NLGN4Y: variants seen among roughly 807,000 people sequenced by gnomAD.
NLGN4Y encodes neuroligin 4 Y-linked.
Under a neutral mutation model 8.4 loss-of-function variants are expected in NLGN4Y, and 4 were observed. The observed-to-expected ratio is 0.48, with a 90% CI of 0.23 to 1.09. The LOEUF is 1.09. Among genes scored for constraint, NLGN4Y ranks in the 50% least tolerant of loss-of-function variants. The pLI is 0.19. For synonymous variants in NLGN4Y, 35 were observed against 75.6 expected, an observed-to-expected ratio of 0.46 and a Z score of 2.78; for missense variants, 90 against 192.3, an observed-to-expected ratio of 0.47 and a Z score of 3.15.
chrY:14,730,364 C>T, intron 4 of NLGN4Y, among the ~76,000 whole-genome samples: 1 of 32,990 alleles, frequency 3.0e-5, no homozygotes, highest in African/African-American at 1.2e-4. Flanking sequence ...GCCAAGATCA[C>T]GCTACTACAC....
chrY:14,697,883 G>A, intron 2 of NLGN4Y, among the ~76,000 whole-genome samples: 1 of 32,891 alleles, frequency 3.0e-5, no homozygotes, highest in East Asian at 8.1e-4. Flanking sequence ...ATTGTTGTAT[G>A]AGGCTCCCTG....
At chrY:14,610,937 T>C (rs867653537) in intron 1 of NLGN4Y, among the ~76,000 whole-genome samples, 4 of 33,040 alleles carry the variant, frequency 1.2e-4, no homozygotes, top group Admixed American at 2.8e-4. Flanking sequence ...GATAGTTAGC[T>C]CTTCTTGTTG....
In NLGN4Y at chrY:14,829,471, C is replaced by T; in HGVS notation, c.872-259C>T. 1.5e-4 allele frequency among the ~76,000 whole-genome samples: 5 copies of T among 32,381 alleles called. No homozygotes were observed. The South Asian group carries it at 3.4e-3, about 22-fold the overall frequency. The allele number at this position is 32,381 out of a possible 37,273, so 86.9% of individuals were successfully genotyped here. A position where few individuals can be genotyped will look rare whatever the true frequency, so the allele number is the denominator to read the frequency against. ...AGAAATCACATGTATTTTACCAGTG[C>T]ACGAAAAGCCTCAATGTGGTTTCAT... On this transcript the variant is annotated intron_variant, in intron 5 of 6. Transcript: ENST00000684976.
chrY:14,593,613 G>A, intron 1 of NLGN4Y, among the ~76,000 whole-genome samples: 1 of 33,397 alleles, frequency 3.0e-5, no homozygotes, highest in African/African-American at 1.2e-4. Context: ...TCATCTCCTG[G>A]AGGGGGTTGT....
At chrY:14,614,720 G>T (rs2080481859) in intron 1 of NLGN4Y, among the ~76,000 whole-genome samples, 1 of 33,108 alleles carries the variant, frequency 3.0e-5, no homozygotes, top group Non-Finnish European at 7.5e-5. Context: ...GTTTTTGTCA[G>T]GTTTGTCAAA....
At chrY:14,834,968 G>T in intron 6 of NLGN4Y, among the ~76,000 whole-genome samples, 1 of 33,357 alleles carries the variant, frequency 3.0e-5, no homozygotes. Flanking sequence ...AGCTCCCAGC[G>T]TGTCTGTCAG....
At chrY:14,544,634 G>C in intron 1 of NLGN4Y, among the ~76,000 whole-genome samples, 1 of 33,045 alleles carries the variant, frequency 3.0e-5, no homozygotes. Flanking sequence ...TCCATAAGTG[G>C]GTAAAAACAT....
chrY:14,611,555 G>GTTTA (rs757837636), intron 1 of NLGN4Y, among the ~76,000 whole-genome samples: 461 of 26,890 alleles, frequency 0.017, no homozygotes, highest in Middle Eastern at 0.091. Flanking sequence ...TTGTTTGTTT[G>GTTTA]TTTATTTATT....
chrY:14,774,708 A>T, intron 4 of NLGN4Y, among the ~76,000 whole-genome samples: 1 of 33,120 alleles, frequency 3.0e-5, no homozygotes, highest in African/African-American at 1.2e-4. Flanking sequence ...GAACATGCAC[A>T]TGTATGTTTA....
chrY:14,712,406 G>A, intron 2 of NLGN4Y, among the ~76,000 whole-genome samples: 1 of 32,946 alleles, frequency 3.0e-5, no homozygotes, highest in Non-Finnish European at 7.5e-5. Context: ...TCAGTGTATG[G>A]AGGAAAGAGG....
At chrY:14,721,596 A>T in intron 3 of NLGN4Y, among the ~76,000 whole-genome samples, 1 of 32,683 alleles carries the variant, frequency 3.1e-5, no homozygotes, top group Non-Finnish European at 7.5e-5. Context: ...TAATTCATTC[A>T]AATTGGAGCC....
At chrY:14,695,861 G>A (rs2080826335) in intron 2 of NLGN4Y, among the ~76,000 whole-genome samples, 1 of 32,588 alleles carries the variant, frequency 3.1e-5, no homozygotes, top group Admixed American at 2.9e-4. Context: ...CGGCTGGGTA[G>A]CATGATTCTC....
chrY:14,645,328 C>T, intron 2 of NLGN4Y, among the ~76,000 whole-genome samples: 1 of 28,583 alleles, frequency 3.5e-5, no homozygotes, highest in African/African-American at 1.4e-4. Flanking sequence ...CACCCACCAC[C>T]CCCGGCTAAT....
chrY:14,652,090 TA>T (rs2080631887), intron 2 of NLGN4Y, among the ~76,000 whole-genome samples: 1 of 33,014 alleles, frequency 3.0e-5, no homozygotes, highest in Admixed American at 2.8e-4. Flanking sequence ...TATAGTGGAA[TA>T]TATTGTATAT....
chrY:14,801,487 G>A (rs771700776), intron 4 of NLGN4Y: 1 of 21,952 alleles, frequency 4.6e-5, no homozygotes, highest in Non-Finnish European at 9.8e-5. Context: ...GAACAAAGAC[G>A]TTCAAATACT....
chrY:14,669,376 A>C, intron 2 of NLGN4Y, among the ~76,000 whole-genome samples: 2 of 33,430 alleles, frequency 6.0e-5, no homozygotes. Context: ...CTTAAATTTT[A>C]CTTTCTTAAA....
chrY:14,822,204 C>T, intron 4 of NLGN4Y, among the ~76,000 whole-genome samples: 1 of 34,147 alleles, frequency 2.9e-5, no homozygotes, highest in African/African-American at 1.1e-4. Flanking sequence ...TGCTTCAAAA[C>T]ACCACATTCT....
At chrY:14,819,407 T>G in intron 4 of NLGN4Y, among the ~76,000 whole-genome samples, 1 of 33,931 alleles carries the variant, frequency 2.9e-5, no homozygotes, top group Non-Finnish European at 7.3e-5. Flanking sequence ...CCCTGGACCC[T>G]GTAGGACATC....
At chrY:14,687,858 G>C in intron 2 of NLGN4Y, among the ~76,000 whole-genome samples, 1 of 33,772 alleles carries the variant, frequency 3.0e-5, no homozygotes, top group African/African-American at 1.2e-4. Flanking sequence ...GTCAGAGTGT[G>C]TTTTAAAGCA....
Sources: gnomAD v4.1 joint callset for allele counts (sites outside exome capture counted in the v4.1 genomes callset) on GRCh38, gnomAD v4.1.1 for gene constraint, MANE v1.5 for transcripts, NCBI Gene and HGNC (gene_info 2026-07-23, HGNC 2026-07-21) for gene names.